Variants in MLLT3 observed in about 807,000 individuals in gnomAD.
The protein encoded by MLLT3 is MLLT3 super elongation complex subunit.
MLLT3 carries 4 observed loss-of-function variants against 53.2 expected under a neutral mutation model. That is an observed-to-expected ratio of 0.08 (90% confidence interval 0.04 to 0.17). The LOEUF (loss-of-function observed/expected upper bound fraction) is 0.17, where lower values mean the gene tolerates loss of function less well. MLLT3 is among the 10% of genes least tolerant of loss of function. MLLT3 has a pLI of 1.00. For missense variants in MLLT3, 569 were observed against 684.0 expected, an observed-to-expected ratio of 0.83 and a Z score of 1.87; for synonymous variants, 283 against 230.6, an observed-to-expected ratio of 1.23 and a Z score of -2.06.
chr9:20,469,213 TTTAG>T (rs1235274844), intron 2 of MLLT3, among the ~76,000 whole-genome samples: 1 of 152,158 alleles, frequency 6.6e-6, no homozygotes, highest in Non-Finnish European at 1.5e-5. Context: ...CTTGGTATAA[TTTAG>T]TTAGAGTGGC....
chr9:20,552,489 T>A lies in MLLT3; in HGVS notation c.193+68165A>T, dbSNP rs181413145. ...CCACTAGCAGCTAGACTCTAGCTGC[T>A]AGAACATCTCCTTCCCAGTTTGTTG... is the stretch of plus-strand genomic sequence containing the variant. On this transcript the variant is annotated intron_variant, in intron 2 of 10. Transcript: ENST00000380338. Among the ~76,000 whole-genome samples, 559 of 152,288 alleles carry A rather than the reference T, an allele frequency of 3.7e-3. 3 individuals carry two copies. Among genetic ancestry groups the A allele is most frequent in the African/African-American group, 0.011 (463 of 41,564 alleles).
chr9:20,484,744 C>T (rs573642227), intron 2 of MLLT3, among the ~76,000 whole-genome samples: 1 of 152,120 alleles, frequency 6.6e-6, no homozygotes, highest in Non-Finnish European at 1.5e-5. Flanking sequence ...TCCCCCAAGA[C>T]AGTACCAGTG....
intron 1 of MLLT3, 35 bp downstream of exon 1, chr9:20,622,210 G>A (rs1174239977): frequency 4.4e-6 from 7 of 1,589,746 alleles, no homozygotes; most frequent in Non-Finnish European, 6.0e-6. Flanking sequence ...GGAAAGTGGG[G>A]GAGGGCTTTT....
intron 2 of MLLT3, among the ~76,000 whole-genome samples, chr9:20,509,933 C>T (rs1825486444): frequency 6.6e-6 from 1 of 151,306 alleles, no homozygotes; most frequent in Non-Finnish European, 1.5e-5. Flanking sequence ...AGTTGGCTTC[C>T]TGGAAGCTCA....
chr9:20,560,837 C>A lies in MLLT3; in HGVS notation c.193+59817G>T, dbSNP rs145334751. Among the ~76,000 whole-genome samples, 763 of 151,928 alleles carry A rather than the reference C, an allele frequency of 5.0e-3. 4 individuals carry two copies. The highest frequency in any genetic ancestry group is 0.016 in the African/African-American group (673 of 41,430). On this transcript the variant is annotated intron_variant, in intron 2 of 10. Coordinates refer to ENST00000380338, the MANE Select transcript of MLLT3 (RefSeq NM_004529.4). ...ATGGGGTACATGTGAGTATTTTTTA[C>A]ACATACAGATTGTGTAACAATCAAG...
intron 7 of MLLT3, 83 bp from the exon 8 acceptor site, chr9:20,360,924 A>C (rs1821306862): frequency 3.3e-6 from 4 of 1,217,190 alleles, no homozygotes; most frequent in Non-Finnish European, 4.8e-6. Flanking sequence ...TGGAAAGCAC[A>C]GAATCCAAAC....
At chr9:20,486,083 C>T (rs925898001) in intron 2 of MLLT3, among the ~76,000 whole-genome samples, 6 of 152,080 alleles carry the variant, frequency 3.9e-5, no homozygotes, top group Non-Finnish European at 5.9e-5. Flanking sequence ...GTCAAGTCAT[C>T]CATTTCCTGA....
chr9:20,522,048 T>C (rs1587021294), intron 2 of MLLT3, among the ~76,000 whole-genome samples: 1 of 151,256 alleles, frequency 6.6e-6, no homozygotes, highest in Non-Finnish European at 1.5e-5. Context: ...TGGTGGAAAC[T>C]TTCCTCATTA....
rs889031770 is a variant in MLLT3, at chr9:20,596,839, T to A, written c.193+23815A>T. Among the ~76,000 whole-genome samples, 6 of 152,112 alleles carry A rather than the reference T, an allele frequency of 3.9e-5. No individual in the cohort carries two copies. The East Asian group carries it at 1.2e-3, about 29-fold the overall frequency. ...CAATTTACAAAGAAGCCAGTTGGAG[T>A]TCTGACTGATAGGGACTGTATGTAA... On this transcript the variant is annotated intron_variant, in intron 2 of 10. Transcript: ENST00000380338.
chr9:20,583,834 G>A (rs757533100), intron 2 of MLLT3, among the ~76,000 whole-genome samples: 10 of 152,116 alleles, frequency 6.6e-5, no homozygotes, highest in Non-Finnish European at 1.3e-4. Context: ...GATGGAAGGC[G>A]CTGCCATGAA....
intron 4 of MLLT3, among the ~76,000 whole-genome samples, chr9:20,421,780 T>G (rs1823014655): frequency 6.6e-6 from 1 of 152,022 alleles, no homozygotes; most frequent in Non-Finnish European, 1.5e-5. Context: ...AGACAGCAAT[T>G]TAGAAACATG....
intron 5 of MLLT3, chr9:20,382,281 A>T (rs952756056): frequency 2.6e-5 from 4 of 151,854 alleles, no homozygotes; most frequent in African/African-American, 9.7e-5. Context: ...ATATCCCAGA[A>T]GCTATCTTGC....
At chr9:20,479,202 GTT>G (rs929875663) in intron 2 of MLLT3, among the ~76,000 whole-genome samples, 2 of 152,062 alleles carry the variant, frequency 1.3e-5, no homozygotes, top group African/African-American at 2.4e-5. Context: ...TGGCTGGTTT[GTT>G]TTTGTTTTTG....
At chr9:20,452,547 C>A (rs556004377) in intron 3 of MLLT3, among the ~76,000 whole-genome samples, 8 of 152,094 alleles carry the variant, frequency 5.3e-5, no homozygotes, top group African/African-American at 1.9e-4. Context: ...GACTAATATG[C>A]CATTACTATA....
rs1822229515 is a variant in MLLT3 at position 20,393,107 on chromosome 9, ATC to A, written c.1125+20612_1125+20613del. On this transcript the variant is annotated intron_variant, in intron 5 of 10. Coordinates refer to ENST00000380338, the MANE Select transcript of MLLT3 (RefSeq NM_004529.4). ...GAGGCTGAGATTGCAGTGAGCTGAG[ATC>A]ATGCCATTGCACTCCAGCCTGGGCA... Among the ~76,000 whole-genome samples the A allele has an allele frequency of 2.0e-5, 3 of 152,154 alleles. No individual in the cohort carries two copies. The South Asian group carries it at 6.2e-4, about 32-fold the overall frequency.
rs1452514081 is a variant in MLLT3, at chr9:20,549,258, T to TA, written c.193+71395dup. On this transcript the variant is annotated intron_variant, in intron 2 of 10. Coordinates refer to ENST00000380338, the MANE Select transcript of MLLT3 (RefSeq NM_004529.4). ...ATCAGAATGAGAAAAGCCAAGTAGCTATAATTTGTGTGAGCCAAAACACTG... is the reference window on the plus strand; with the variant it reads ...ATCAGAATGAGAAAAGCCAAGTAGCTAATAATTTGTGTGAGCCAAAACACTG... Among the ~76,000 whole-genome samples, 5 of 152,336 alleles carry TA rather than the reference T, an allele frequency of 3.3e-5. No homozygotes were observed. In the East Asian group the frequency reaches 9.6e-4, roughly 29 times the overall value.
At chr9:20,533,251 A>G in intron 2 of MLLT3, 1 of 322,718 alleles carries the variant, frequency 3.1e-6, no homozygotes, top group Non-Finnish European at 6.1e-6. Context: ...ATATGATGAG[A>G]TCTGCCGTCA....
chr9:20,424,562 T>C (rs892345631), intron 4 of MLLT3, among the ~76,000 whole-genome samples: 1 of 152,158 alleles, frequency 6.6e-6, no homozygotes, highest in Non-Finnish European at 1.5e-5. Flanking sequence ...AGGGCCCCTA[T>C]AGGCTGTCAT....
At chr9:20,431,085 G>C (rs1305284806) in intron 4 of MLLT3, among the ~76,000 whole-genome samples, 1 of 152,004 alleles carries the variant, frequency 6.6e-6, no homozygotes, top group Non-Finnish European at 1.5e-5. Flanking sequence ...AGAACAATGA[G>C]ATCTCTTTTA....
Sources: allele counts gnomAD v4.1 joint callset (sites outside exome capture counted in the v4.1 genomes callset), GRCh38; gene constraint gnomAD v4.1.1; transcripts MANE v1.5; gene names NCBI Gene and HGNC (gene_info 2026-07-23, HGNC 2026-07-21).